OCIAD1: variants seen among roughly 807,000 people sequenced by gnomAD.
The protein encoded by OCIAD1 is OCIA domain-containing protein 1.
OCIAD1 carries 29 observed loss-of-function variants against 38.9 expected under a neutral mutation model. The observed-to-expected ratio is 0.74, with a 90% CI of 0.55 to 1.02. The LOEUF is 1.02. Among genes scored for constraint, OCIAD1 ranks in the 50% least tolerant of loss-of-function variants. OCIAD1 has a pLI of 0.00. For synonymous variants in OCIAD1, 110 were observed against 92.0 expected, an observed-to-expected ratio of 1.20 and a Z score of -1.12; for missense variants, 288 against 289.6, an observed-to-expected ratio of 0.99 and a Z score of 0.04.
At chr4:48,823,880 T>C (rs144535697) in intron 1 of OCIAD1, among the ~76,000 whole-genome samples, 7 of 126,868 alleles carry the variant, frequency 5.5e-5, no homozygotes, top group African/African-American at 1.2e-4. Flanking sequence ...TTGCTCAGGC[T>C]GGTCTCAAAC....
chr4:48,832,864 C>G (rs549591324), intron 2 of OCIAD1, 182 bp downstream of exon 2: 2 of 591,498 alleles, frequency 3.4e-6, no homozygotes, highest in Admixed American at 2.9e-5. Flanking sequence ...AGGAGTCCCA[C>G]GTTTTTATTT....
chr4:48,826,603 T>C (rs896140552), upstream of OCIAD1, among the ~76,000 whole-genome samples: 2 of 152,192 alleles, frequency 1.3e-5, no homozygotes, highest in African/African-American at 4.8e-5. Flanking sequence ...AACAAAAACA[T>C]TGAGGTAATG....
chr4:48,841,072 C>T (rs902152574), intron 3 of OCIAD1, among the ~76,000 whole-genome samples: 18 of 152,068 alleles, frequency 1.2e-4, no homozygotes, highest in African/African-American at 2.2e-4. Context: ...TATTTCATTA[C>T]GTGTGAAATT....
chr4:48,835,710 C>A (rs1314862042), intron 3 of OCIAD1, among the ~76,000 whole-genome samples: 2 of 152,122 alleles, frequency 1.3e-5, no homozygotes, highest in East Asian at 3.9e-4. Context: ...GGTGGAATTT[C>A]AAGCATGAGC....
chr4:48,851,255 G>A (rs1315981410), intron 6 of OCIAD1, among the ~76,000 whole-genome samples: 2 of 152,196 alleles, frequency 1.3e-5, no homozygotes, highest in East Asian at 1.9e-4. Flanking sequence ...TATCTTGAAA[G>A]GCTGGGTATA....
intron 8 of OCIAD1, among the ~76,000 whole-genome samples, chr4:48,857,624 A>T (rs1316772753): frequency 3.3e-5 from 5 of 151,970 alleles, no homozygotes; most frequent in African/African-American, 9.7e-5. Flanking sequence ...GATTCAAGCA[A>T]TCCTCCTGCC....
upstream of OCIAD1, among the ~76,000 whole-genome samples, chr4:48,828,772 A>G (rs1432174335): frequency 6.6e-6 from 1 of 152,218 alleles, no homozygotes. Flanking sequence ...ATCAGAAGGA[A>G]CAAAGTCTGG....
chr4:48,855,485 A>G (rs1012289575), intron 7 of OCIAD1, among the ~76,000 whole-genome samples: 13 of 152,198 alleles, frequency 8.5e-5, no homozygotes, highest in African/African-American at 1.2e-4. Context: ...TTTGCTTTAT[A>G]TAAGTATAGT....
At chr4:48,836,065 G>C (rs1053409790) in intron 3 of OCIAD1, among the ~76,000 whole-genome samples, 4 of 152,172 alleles carry the variant, frequency 2.6e-5, no homozygotes, top group Admixed American at 6.5e-5. Flanking sequence ...TTGAGCAGAG[G>C]GGGGTGATAT....
intron 3 of OCIAD1, among the ~76,000 whole-genome samples, chr4:48,840,578 T>A: frequency 6.6e-6 from 1 of 152,226 alleles, no homozygotes; most frequent in East Asian, 1.9e-4. Flanking sequence ...CTGTAATAAT[T>A]CAAATGTCTT....
chr4:48,831,787 G>A (rs910627700), intron 1 of OCIAD1, among the ~76,000 whole-genome samples: 4 of 152,102 alleles, frequency 2.6e-5, no homozygotes, highest in African/African-American at 9.7e-5. Context: ...TTAAGGGGTT[G>A]GCATGTAGTA....
At chr4:48,849,311 A>C (rs1779226704) in intron 5 of OCIAD1, among the ~76,000 whole-genome samples, 1 of 151,982 alleles carries the variant, frequency 6.6e-6, no homozygotes, top group Non-Finnish European at 1.5e-5. Flanking sequence ...TAAGTAAATA[A>C]ATAAATAAAT....
At chr4:48,831,318 C>T in intron 1 of OCIAD1, 69 bp downstream of exon 1, 1 of 394,530 alleles carries the variant, frequency 2.5e-6, no homozygotes, top group South Asian at 1.9e-5. Flanking sequence ...TTGCGGCCAT[C>T]CACGACTTTC....
intron 1 of OCIAD1, among the ~76,000 whole-genome samples, chr4:48,812,773 C>CA (rs1308354004): frequency 4.0e-5 from 6 of 151,842 alleles, no homozygotes; most frequent in South Asian, 2.1e-4. Flanking sequence ...CATAAAAGAG[C>CA]AAAAAAATGA....
chr4:48,854,134 T>A (rs1312235166), intron 7 of OCIAD1, among the ~76,000 whole-genome samples: 1 of 151,904 alleles, frequency 6.6e-6, no homozygotes, highest in Admixed American at 6.6e-5. Flanking sequence ...TGTACAGTAG[T>A]CCCCCCTTAT....
chr4:48,815,385 A>T (rs1285201429), intron 1 of OCIAD1, among the ~76,000 whole-genome samples: 1 of 152,196 alleles, frequency 6.6e-6, no homozygotes, highest in Non-Finnish European at 1.5e-5. Context: ...TCTAGACAAG[A>T]CTCAGGATTG....
At chr4:48,834,397 C>A (rs1257014702) in intron 3 of OCIAD1, among the ~76,000 whole-genome samples, 1 of 152,204 alleles carries the variant, frequency 6.6e-6, no homozygotes, top group Non-Finnish European at 1.5e-5. Context: ...GTCTTGAACT[C>A]CTGACCTTAG....
chr4:48,829,431 A>T (rs1398532269), upstream of OCIAD1, among the ~76,000 whole-genome samples: 2 of 152,226 alleles, frequency 1.3e-5, no homozygotes, highest in African/African-American at 4.8e-5. Context: ...TGTTGGCTTC[A>T]TATGATCATG....
intron 4 of OCIAD1, among the ~76,000 whole-genome samples, chr4:48,846,109 T>G (rs1015286164): frequency 6.6e-6 from 1 of 152,206 alleles, no homozygotes; most frequent in African/African-American, 2.4e-5. Context: ...GTGTCCTGTT[T>G]CCTGTTAATA....
Sources: gnomAD v4.1 joint callset for allele counts (sites outside exome capture counted in the v4.1 genomes callset) on GRCh38, gnomAD v4.1.1 for gene constraint, MANE v1.5 for transcripts, NCBI Gene and HGNC (gene_info 2026-07-23, HGNC 2026-07-21) for gene names.